ADORA2B: variants seen among roughly 807,000 people sequenced by gnomAD.
The protein encoded by ADORA2B is adenosine A2b receptor, also known as adenosine receptor A2b.
ADORA2B carries 18 observed loss-of-function variants against 20.8 expected under a neutral mutation model. That is an observed-to-expected ratio of 0.87 (90% CI 0.60 to 1.29). ADORA2B has a LOEUF of 1.29. ADORA2B is among the 50% of genes most tolerant of loss of function. The pLI, the probability that ADORA2B is intolerant of heterozygous loss-of-function variation, is 0.00. For synonymous variants in ADORA2B, 179 were observed against 178.3 expected (o/e 1.00, Z -0.03); for missense variants, 441 against 422.7 (o/e 1.04, Z -0.38).
At chr17:15,896,728 TG>T in the ADORA2B span, among the ~76,000 whole-genome samples, 1 of 152,226 alleles carries the variant, frequency 6.6e-6, no homozygotes, top group African/African-American at 2.4e-5. Flanking sequence ...TACTTGTTCC[TG>T]TGTGGCTGGT....
At chr17:15,895,009 C>T in the ADORA2B span, among the ~76,000 whole-genome samples, 1 of 152,064 alleles carries the variant, frequency 6.6e-6, no homozygotes, top group Non-Finnish European at 1.5e-5. Flanking sequence ...GGTAAGCCAG[C>T]AGGCTAGAAT....
chr17:15,923,772 A>G, the ADORA2B span, among the ~76,000 whole-genome samples: 6 of 152,178 alleles, frequency 3.9e-5, no homozygotes, highest in Non-Finnish European at 7.4e-5. Context: ...CATTGGAGAG[A>G]TGATGTATGT....
chr17:15,947,661 A>C lies in ADORA2B; in HGVS notation c.335+2078A>C, dbSNP rs1169088600. On this transcript the variant is annotated intron_variant, in intron 1 of 1. Coordinates refer to ENST00000304222, the MANE Select transcript of ADORA2B (RefSeq NM_000676.4). The stretch of plus-strand genomic sequence containing the variant: ...CTGACCTGGCCACAGCACCACCCCA[A>C]CCCTGGTGGGTGGGAGAGGTGTACT... Among the ~76,000 whole-genome samples the C allele has an allele frequency of 2.6e-5, 4 of 152,138 alleles. No individual in the cohort carries two copies. In the East Asian group the frequency reaches 7.7e-4, roughly 29 times the overall value.
At chr17:15,894,021 G>A in the ADORA2B span, among the ~76,000 whole-genome samples, 3 of 152,296 alleles carry the variant, frequency 2.0e-5, no homozygotes, top group South Asian at 4.1e-4. Flanking sequence ...AGCCAGATTT[G>A]GCCCATGGGC....
At chr17:15,875,110 C>G in the ADORA2B span, among the ~76,000 whole-genome samples, 212 of 152,198 alleles carry the variant, frequency 1.4e-3, 4 homozygotes, top group African/African-American at 4.0e-3. Flanking sequence ...CTTTTTTCCT[C>G]AAAATTTGTA....
chr17:15,919,180 C>T, the ADORA2B span, among the ~76,000 whole-genome samples: 2 of 152,174 alleles, frequency 1.3e-5, no homozygotes, highest in African/African-American at 2.4e-5. Context: ...TGCCATCCTA[C>T]AACCATGGCA....
At chr17:15,944,894 A>C, upstream of ADORA2B, 2 of 167,188 alleles carry the variant, frequency 1.2e-5, no homozygotes, top group East Asian at 1.7e-4. The surrounding 1 kb of genome is among the most constrained non-coding windows in gnomAD (Gnocchi z 4.8). Flanking sequence ...ACAGCCTCCG[A>C]GCTCGAGCGT....
At chr17:15,860,661 G>A in the ADORA2B span, among the ~76,000 whole-genome samples, 1 of 152,210 alleles carries the variant, frequency 6.6e-6, no homozygotes, top group Non-Finnish European at 1.5e-5. Context: ...TGGTGGTCCT[G>A]CCTGGAGAAT....
chr17:15,934,618 CTT>C, the ADORA2B span, among the ~76,000 whole-genome samples: 1 of 152,028 alleles, frequency 6.6e-6, no homozygotes, highest in South Asian at 2.1e-4. Flanking sequence ...TTTTAATTCT[CTT>C]GTCAATTATT....
chr17:15,890,560 A>G, the ADORA2B span, among the ~76,000 whole-genome samples: 1 of 148,232 alleles, frequency 6.7e-6, no homozygotes, highest in African/African-American at 2.5e-5. Context: ...GTTCTTCTTT[A>G]TTTTCTTTTT....
intron 1 of ADORA2B, among the ~76,000 whole-genome samples, chr17:15,951,243 G>A (rs1969898041): frequency 6.6e-6 from 1 of 152,182 alleles, no homozygotes; most frequent in Non-Finnish European, 1.5e-5. Context: ...TGGGCCTAAG[G>A]GACAAAAGGG....
chr17:15,893,310 T>TA, the ADORA2B span, among the ~76,000 whole-genome samples: 1 of 152,246 alleles, frequency 6.6e-6, no homozygotes, highest in African/African-American at 2.4e-5. Flanking sequence ...TAGGGAAAGT[T>TA]AGAGATAATT....
chr17:15,931,440 A>G, the ADORA2B span, among the ~76,000 whole-genome samples: 4 of 152,362 alleles, frequency 2.6e-5, no homozygotes, highest in Non-Finnish European at 4.4e-5. Context: ...AAAGACTTCC[A>G]TGTCCTTTTC....
chr17:15,916,252 T>C, the ADORA2B span, among the ~76,000 whole-genome samples: 1 of 152,150 alleles, frequency 6.6e-6, no homozygotes, highest in Admixed American at 6.5e-5. Context: ...AAGTCAACCT[T>C]CCTGGGGACT....
the ADORA2B span, among the ~76,000 whole-genome samples, chr17:15,931,205 T>C: frequency 6.4e-3 from 980 of 152,208 alleles, 7 homozygotes; most frequent in Middle Eastern, 0.027. Flanking sequence ...AAACGCAGGG[T>C]GTCCAGATGT....
the ADORA2B span, among the ~76,000 whole-genome samples, chr17:15,878,127 A>G: frequency 6.6e-6 from 1 of 151,786 alleles, no homozygotes; most frequent in South Asian, 2.1e-4. Context: ...CCTGAAGGAT[A>G]TTAATCATAT....
chr17:15,882,017 G>A, the ADORA2B span, among the ~76,000 whole-genome samples: 1 of 152,180 alleles, frequency 6.6e-6, no homozygotes, highest in Non-Finnish European at 1.5e-5. Flanking sequence ...ATGGAACGCA[G>A]CTCCCCTCCC....
upstream of ADORA2B, among the ~76,000 whole-genome samples, chr17:15,940,863 G>A (rs182169615): frequency 2.0e-5 from 3 of 152,348 alleles, no homozygotes; most frequent in East Asian, 1.9e-4. Flanking sequence ...TGCATTGAAT[G>A]AGGTTGCATG....
At chr17:15,964,355 C>G (rs1335411637) in intron 1 of ADORA2B, among the ~76,000 whole-genome samples, 1 of 151,966 alleles carries the variant, frequency 6.6e-6, no homozygotes, top group Non-Finnish European at 1.5e-5. Context: ...ACCTGTAATC[C>G]CAGCACTTTG....
Sources: gnomAD v4.1 joint callset for allele counts (sites outside exome capture counted in the v4.1 genomes callset) on GRCh38, gnomAD v4.1.1 for gene constraint, Gnocchi (gnomAD v3.1) non-coding constraint, MANE v1.5 for transcripts, NCBI Gene and HGNC (gene_info 2026-07-23, HGNC 2026-07-21) for gene names.